Variants in PTK2 observed in about 807,000 individuals in gnomAD.
PTK2 encodes focal adhesion kinase 1.
In PTK2, 45 loss-of-function variants were observed where a neutral mutation model predicts 150.1. The observed-to-expected ratio is 0.30, with a 90% confidence interval of 0.24 to 0.38. The LOEUF is 0.38. Ranked by LOEUF, PTK2 falls within the 10% of genes least tolerant of loss-of-function variation. The pLI, the probability that PTK2 is intolerant of heterozygous loss-of-function variation, is 1.00. For synonymous variants in PTK2, 432 were observed against 449.2 expected (o/e 0.96, Z 0.48); for missense variants, 919 against 1,307.3 (o/e 0.70, Z 4.58).
Position 140,663,777 on chromosome 8 carries a change from G to A in PTK2, c.2946+1140C>T, listed in dbSNP as rs528085132. Among the ~76,000 whole-genome samples, 4 of 151,956 alleles carry A rather than the reference G, an allele frequency of 2.6e-5. No homozygotes were observed. The East Asian group carries it at 7.7e-4, about 29-fold the overall frequency. On this transcript the variant is annotated intron_variant, in intron 31 of 31. Transcript: ENST00000522684. ...TAGCCTGAAACTCCTGGGCTCAAGCGATCATCCTGCTTCAGCCTCCTGAGT... is the reference window on the plus strand; with the variant it reads ...TAGCCTGAAACTCCTGGGCTCAAGCAATCATCCTGCTTCAGCCTCCTGAGT...
At chr8:140,792,554 C>T (rs1422030934) in intron 13 of PTK2, among the ~76,000 whole-genome samples, 1 of 152,192 alleles carries the variant, frequency 6.6e-6, no homozygotes, top group Non-Finnish European at 1.5e-5. Context: ...TCTTGGGGAA[C>T]CCCAACACAG....
At chr8:140,911,464 T>C (rs1038338576) in intron 2 of PTK2, among the ~76,000 whole-genome samples, 6 of 152,146 alleles carry the variant, frequency 3.9e-5, no homozygotes, top group South Asian at 2.1e-4. Context: ...CTTTGCAAAA[T>C]AGAAAAATGC....
At chr8:140,761,678 TAC>T (rs1248427700) in intron 15 of PTK2, among the ~76,000 whole-genome samples, 1 of 152,140 alleles carries the variant, frequency 6.6e-6, no homozygotes, top group African/African-American at 2.4e-5. Flanking sequence ...TACAAATAAC[TAC>T]AGTTTGTAAA....
exon 25 of PTK2, chr8:140,702,628 T>C (rs749723758): frequency 1.9e-6 from 3 of 1,614,022 alleles, no homozygotes; most frequent in Non-Finnish European, 2.5e-6. Flanking sequence ...TGAATCTGTT[T>C]GGTCCAAAAG....
At chr8:140,806,806 C>T (rs1264246178) in intron 10 of PTK2, among the ~76,000 whole-genome samples, 1 of 152,132 alleles carries the variant, frequency 6.6e-6, no homozygotes. Context: ...GAATAACATG[C>T]TCTGTAATTT....
chr8:140,854,724 TC>T (rs1310725389), intron 5 of PTK2, among the ~76,000 whole-genome samples: 1 of 152,196 alleles, frequency 6.6e-6, no homozygotes, highest in African/African-American at 2.4e-5. Context: ...ATTTAGGCCA[TC>T]TTTTAATGAA....
intron 14 of PTK2, among the ~76,000 whole-genome samples, chr8:140,776,685 T>C (rs1291744602): frequency 2.0e-5 from 3 of 152,154 alleles, no homozygotes; most frequent in Admixed American, 2.0e-4. Flanking sequence ...CTTTTGAGTA[T>C]ATTAAGTCTG....
intron 17 of PTK2, chr8:140,747,282 C>T (rs1042086572): frequency 2.3e-5 from 4 of 175,616 alleles, no homozygotes; most frequent in African/African-American, 9.7e-5. Flanking sequence ...AACTCAATTC[C>T]ACAGGTCAGT....
rs139138555 is a variant in PTK2, at chr8:140,916,788, C to T, written c.-33+8873G>A. Among the ~76,000 whole-genome samples the T allele has an allele frequency of 2.6e-5, 4 of 152,318 alleles. No individual in the cohort carries two copies. In the East Asian group the frequency reaches 5.8e-4, roughly 22 times the overall value. The stretch of plus-strand genomic sequence containing the variant: ...GTGTACGGCATATTGATTAAGAATA[C>T]AGGCACTGCAGTTAGATTCCCACTG... On this transcript the variant is annotated intron_variant, in intron 2 of 31. Coordinates refer to ENST00000522684, the Ensembl canonical transcript of PTK2.
At chr8:140,742,204 T>C (rs1194238800) in intron 20 of PTK2, among the ~76,000 whole-genome samples, 1 of 152,228 alleles carries the variant, frequency 6.6e-6, no homozygotes, top group African/African-American at 2.4e-5. Context: ...GCAGCCTGCA[T>C]ATTTTTCAGT....
intron 22 of PTK2, among the ~76,000 whole-genome samples, chr8:140,720,797 A>T (rs1032900058): frequency 6.6e-6 from 1 of 152,130 alleles, no homozygotes; most frequent in African/African-American, 2.4e-5. Flanking sequence ...TCTGTTGCAT[A>T]GGCTGAAGTG....
chr8:140,746,471 G>C (rs898280834), intron 18 of PTK2: 4 of 270,298 alleles, frequency 1.5e-5, no homozygotes, highest in African/African-American at 8.8e-5. Context: ...TTAGGCAATG[G>C]CACCAGAGAG....
chr8:140,702,710 G>C lies in PTK2; in HGVS notation c.2230-3C>G. On this transcript the variant is annotated splice_region_variant and splice_polypyrimidine_tract_variant and intron_variant, in intron 24 of 31. Transcript: ENST00000522684. ...TGTGAACCAGGGTAGCCAGAAACCT[G>C]TGAATGAGTAAGGAGGCAAGGTAAT... The C allele has an allele frequency of 6.2e-7, 1 of 1,613,494 alleles. No homozygotes were observed. Among genetic ancestry groups the C allele is most frequent in the Non-Finnish European group, 8.5e-7 (1 of 1,179,494 alleles).
At chr8:140,743,963 G>C (rs1191802520) in intron 19 of PTK2, among the ~76,000 whole-genome samples, 1 of 151,840 alleles carries the variant, frequency 6.6e-6, no homozygotes, top group African/African-American at 2.4e-5. Flanking sequence ...ATTTTTAGTA[G>C]AGATGGTGTT....
chr8:140,682,635 A>T lies in PTK2; in HGVS notation c.2562+3997T>A, dbSNP rs531836188. ...CTATAAAACAATTCTATAGCTAATT[A>T]AAAAAAAAAAAAAACCGAAATCACA... On this transcript the variant is annotated intron_variant, in intron 27 of 31. Transcript: ENST00000522684. 5.7e-5 allele frequency among the ~76,000 whole-genome samples: 7 copies of T among 121,790 alleles called. No homozygotes were observed. The East Asian group carries it at 1.2e-3, about 20-fold the overall frequency. The allele number at this position is 121,790 out of a possible 152,430, so 79.9% of individuals were successfully genotyped here.
At chr8:140,931,985 C>T (rs2100172006) in intron 1 of PTK2, among the ~76,000 whole-genome samples, 1 of 138,504 alleles carries the variant, frequency 7.2e-6, no homozygotes, top group South Asian at 2.6e-4. Context: ...ATCTTAATTA[C>T]TGAGGGTTTT....
At chr8:140,818,377 G>A (rs2100106051) in intron 9 of PTK2, 23 bp from the exon 10 acceptor site, 2 of 1,590,770 alleles carry the variant, frequency 1.3e-6, no homozygotes, top group African/African-American at 1.3e-5. Context: ...AAACAAGTGA[G>A]AACAGAGGTG....
intron 4 of PTK2, among the ~76,000 whole-genome samples, chr8:140,878,933 T>C (rs924966216): frequency 6.6e-6 from 1 of 152,106 alleles, no homozygotes; most frequent in African/African-American, 2.4e-5. Flanking sequence ...AATTTTATTT[T>C]CCTTAACATT....
chr8:140,911,509 A>G (rs1374182492), intron 2 of PTK2, among the ~76,000 whole-genome samples: 2 of 152,202 alleles, frequency 1.3e-5, no homozygotes, highest in African/African-American at 4.8e-5. Context: ...AGTGGGAGAC[A>G]CATTGATAGT....
Sources: gnomAD v4.1 joint callset for allele counts (sites outside exome capture counted in the v4.1 genomes callset) on GRCh38, gnomAD v4.1.1 for gene constraint, MANE v1.5 for transcripts, NCBI Gene and HGNC (gene_info 2026-07-23, HGNC 2026-07-21) for gene names.